The following SERINC1 variants were observed in gnomAD, a reference collection of about 807,000 sequenced individuals.
SERINC1 encodes the protein serine incorporator 1.
In SERINC1, 38 loss-of-function variants were observed where a neutral mutation model predicts 52.9. The ratio of observed to expected loss-of-function variants is 0.72; its 90% CI spans 0.55 to 0.94. The LOEUF is 0.94. SERINC1 is among the 40% of genes least tolerant of loss of function. The probability of loss-of-function intolerance (pLI) is 0.00; values close to 1 mark genes in which losing one functional copy is unlikely to be tolerated. For synonymous variants in SERINC1, 198 were observed against 183.1 expected (o/e 1.08, Z -0.66); for missense variants, 471 against 533.9 (o/e 0.88, Z 1.16).
intron 7 of SERINC1, among the ~76,000 whole-genome samples, chr6:122,451,404 T>C (rs982633232): frequency 6.6e-6 from 1 of 152,150 alleles, no homozygotes; most frequent in Non-Finnish European, 1.5e-5. Flanking sequence ...CAAAAAATCA[T>C]GCTTTACTGT....
chr6:122,455,642 G>A (rs1474178813), intron 3 of SERINC1, among the ~76,000 whole-genome samples: 2 of 152,054 alleles, frequency 1.3e-5, no homozygotes, highest in African/African-American at 4.8e-5. Flanking sequence ...TCCCTCTAGA[G>A]AACCCTAATA....
At chr6:122,464,985 T>C (rs532934554) in intron 1 of SERINC1, among the ~76,000 whole-genome samples, 1 of 152,308 alleles carries the variant, frequency 6.6e-6, no homozygotes, top group Non-Finnish European at 1.5e-5. Flanking sequence ...TTTACCTATG[T>C]TCACTCTAGA....
intron 1 of SERINC1, among the ~76,000 whole-genome samples, chr6:122,461,270 A>C (rs1582635851): frequency 6.6e-6 from 1 of 150,838 alleles, no homozygotes; most frequent in Non-Finnish European, 1.5e-5. Flanking sequence ...TTACTTAAAA[A>C]AGTAATAATC....
rs141827634 is a variant in SERINC1, at chr6:122,471,779, G to T, written c.-42C>A. 4 of 1,613,314 alleles carry T rather than the reference G, an allele frequency of 2.5e-6. No individual in the cohort carries two copies. The highest frequency in any genetic ancestry group is 3.4e-6 in the Non-Finnish European group (4 of 1,179,746). The stretch of plus-strand genomic sequence containing the variant: ...GAGCAGCGGATACAGACAAGATGGA[G>T]ACAGCTTCTTTCTCGCCTTTCCGAG... On this transcript the variant is annotated 5_prime_UTR_variant, in exon 1 of 10. Transcript: ENST00000339697.
At chr6:122,462,278 A>G (rs1240010593) in intron 1 of SERINC1, among the ~76,000 whole-genome samples, 1 of 152,252 alleles carries the variant, frequency 6.6e-6, no homozygotes, top group Non-Finnish European at 1.5e-5. Context: ...ATTAATGACG[A>G]AAGTCTGAAT....
intron 1 of SERINC1, among the ~76,000 whole-genome samples, chr6:122,470,649 C>T (rs1389090872): frequency 2.6e-5 from 4 of 152,116 alleles, no homozygotes; most frequent in South Asian, 2.1e-4. Flanking sequence ...TAACAATCCC[C>T]ACATTATTAT....
Position 122,456,545 on chromosome 6 carries a change from G to T in SERINC1, c.307C>A (p.Leu103Ile). Reference sequence around the variant, plus strand: ...ACTTTGATCATTAGTAAAGAGAGAAGAAGATAGAACATAGCCAAACCAAAG... The same window carrying T: ...ACTTTGATCATTAGTAAAGAGAGAATAAGATAGAACATAGCCAAACCAAAG... The part of the protein sequence containing the change: ...LCFGLAMFYL[L>I]LSLLMIKVKS... The change falls in exon 3 of 10, where the codon CTT becomes ATT. Residue 103 changes from leucine to isoleucine, a missense_variant. Transcript: ENST00000339697. The T allele has an allele frequency of 6.2e-7, 1 of 1,612,618 alleles. No individual in the cohort carries two copies. Among genetic ancestry groups the T allele is most frequent in the Non-Finnish European group, 8.5e-7 (1 of 1,179,214 alleles).
Position 122,447,149 on chromosome 6 carries a change from G to C in SERINC1, c.967C>G (p.Leu323Val). Residue 323 changes from leucine to valine, a missense_variant, in exon 8 of 10, where the codon CTC becomes GTC. Coordinates refer to ENST00000339697, the MANE Select transcript of SERINC1 (RefSeq NM_020755.4). ...WHAQGIIGLI[L>V]FLLCVFYSSI... ...GAATAAAATACACACAACAAAAAGA[G>C]AATTAGTCCTATAATTCCTTGAGCA... The C allele has an allele frequency of 6.2e-7, 1 of 1,613,350 alleles. No homozygotes were observed. The highest frequency in any genetic ancestry group is 8.5e-7 in the Non-Finnish European group (1 of 1,179,440).
intron 3 of SERINC1, among the ~76,000 whole-genome samples, chr6:122,454,782 AGGGAATACACAAT>A (rs1001834182): frequency 7.2e-4 from 109 of 152,310 alleles, no homozygotes; most frequent in African/African-American, 2.6e-3. Context: ...CTGAAGGCAA[AGGGAATACACAAT>A]GGGTAGCAGA....
At chr6:122,451,777 A>AAAAAT in intron 6 of SERINC1, 23 bp from the exon 7 acceptor site, 1 of 215,524 alleles carries the variant, frequency 4.6e-6, no homozygotes, top group African/African-American at 9.4e-5. Flanking sequence ...AAAAAAAAAA[A>AAAAAT]TATATATATA....
At position 122,444,370 on chromosome 6, in the gene SERINC1, G is replaced by A. The variant is rs1489973088; in HGVS notation, c.*674C>T. 4 of 152,224 alleles carry A rather than the reference G, an allele frequency of 2.6e-5. No individual in the cohort carries two copies. Among genetic ancestry groups the A allele is most frequent in the Non-Finnish European group, 5.9e-5 (4 of 68,068 alleles). 9.4% of individuals were successfully genotyped at this position (152,224 alleles called of 1,614,324 possible). ...CAAAACCTTGTCTAAATCCTTCAGAGTTCCAAACATTTCCACTGAACCCAT... is the reference window on the plus strand; with the variant it reads ...CAAAACCTTGTCTAAATCCTTCAGAATTCCAAACATTTCCACTGAACCCAT... On this transcript the variant is annotated 3_prime_UTR_variant, in exon 10 of 10. Coordinates refer to ENST00000339697, the MANE Select transcript of SERINC1 (RefSeq NM_020755.4).
Position 122,452,906 on chromosome 6 carries a change from G to A in SERINC1, c.590-849C>T, listed in dbSNP as rs74944540. Reference sequence around the variant, plus strand: ...AATTAGTTGTGTGAGAGGAATATTAGGCCAGCAGACACACTGGATTTGGCT... The same window carrying A: ...AATTAGTTGTGTGAGAGGAATATTAAGCCAGCAGACACACTGGATTTGGCT... On this transcript the variant is annotated intron_variant, in intron 5 of 9. Transcript: ENST00000339697. 6.3e-3 allele frequency among the ~76,000 whole-genome samples: 961 copies of A among 152,130 alleles called. 29 individuals carry two copies. The highest frequency in any genetic ancestry group is 0.058 in the South Asian group (280 of 4,804).
chr6:122,460,193 C>G (rs1775076796), intron 1 of SERINC1, among the ~76,000 whole-genome samples: 1 of 152,170 alleles, frequency 6.6e-6, no homozygotes, highest in South Asian at 2.1e-4. Flanking sequence ...CTGCCTCAGC[C>G]TCCTGAGTAG....
chr6:122,462,813 A>G (rs1002362112), intron 1 of SERINC1, among the ~76,000 whole-genome samples: 2 of 152,226 alleles, frequency 1.3e-5, no homozygotes, highest in African/African-American at 4.8e-5. Context: ...ACTACAAAAC[A>G]TTGGTGAAAG....
chr6:122,471,726 G>A lies in SERINC1; in HGVS notation c.12C>T (p.Val4=), dbSNP rs745808393. 2 of 1,614,158 alleles carry A rather than the reference G, an allele frequency of 1.2e-6. No individual in the cohort carries two copies. The highest frequency in any genetic ancestry group is 1.7e-6 in the Non-Finnish European group (2 of 1,179,986). The part of the protein sequence containing the change: MGS[V]LGLCSMASWI... ...AGCTCGCCATGGAGCACAGCCCCAG[G>A]ACGCTCCCCATCTCCACAACGTCAC... The change falls in exon 1 of 10, where the codon GTC becomes GTT. Residue 4 remains valine, a synonymous_variant. Coordinates refer to ENST00000339697, the MANE Select transcript of SERINC1 (RefSeq NM_020755.4).
intron 1 of SERINC1, among the ~76,000 whole-genome samples, chr6:122,467,037 T>C (rs1464792846): frequency 6.6e-6 from 1 of 152,122 alleles, no homozygotes; most frequent in African/African-American, 2.4e-5. Context: ...GTACCTCCTA[T>C]GTGGTTCTGT....
At chr6:122,446,599 TAAAGC>T (rs1562212032) in intron 9 of SERINC1, among the ~76,000 whole-genome samples, 170 bp downstream of exon 9, 1 of 152,222 alleles carries the variant, frequency 6.6e-6, no homozygotes. Context: ...GTGTTACTGT[TAAAGC>T]AAGGAAGTAA....
rs191567320 is a variant in SERINC1, at chr6:122,466,842, A to G, written c.39+4857T>C. 9.5e-4 allele frequency among the ~76,000 whole-genome samples: 144 copies of G among 152,314 alleles called. 1 individual carries two copies. Among genetic ancestry groups the G allele is most frequent in the African/African-American group, 3.4e-3 (143 of 41,588 alleles). On this transcript the variant is annotated intron_variant, in intron 1 of 9. Coordinates refer to ENST00000339697, the MANE Select transcript of SERINC1 (RefSeq NM_020755.4). ...AACAGAAAGACAATGTAGAAAATAC[A>G]GGTGAGAAAATTAAAGAATTCAAGA...
intron 3 of SERINC1, among the ~76,000 whole-genome samples, chr6:122,455,875 A>G (rs1269729550): frequency 6.6e-6 from 1 of 152,154 alleles, no homozygotes; most frequent in African/African-American, 2.4e-5. Flanking sequence ...AACTCTAATA[A>G]TTTAATAAAA....
Sources: gnomAD v4.1 joint callset for allele counts (sites outside exome capture counted in the v4.1 genomes callset) on GRCh38, gnomAD v4.1.1 for gene constraint, MANE v1.5 for transcripts, NCBI Gene and HGNC (gene_info 2026-07-23, HGNC 2026-07-21) for gene names.